The following STEAP1B variants were observed in gnomAD, a reference collection of about 807,000 sequenced individuals.
STEAP1B encodes the protein STEAP family member 1B.
In STEAP1B, 13 loss-of-function variants were observed where a neutral mutation model predicts 27.9. The ratio of observed to expected loss-of-function variants is 0.47; its 90% CI spans 0.30 to 0.74. The LOEUF is 0.74. Ranked by LOEUF, STEAP1B falls within the 30% of genes least tolerant of loss-of-function variation. The pLI is 0.06. For missense variants in STEAP1B, 250 were observed against 298.7 expected, an observed-to-expected ratio of 0.84 and a Z score of 1.20; for synonymous variants, 86 against 107.1, an observed-to-expected ratio of 0.80 and a Z score of 1.22.
chr7:22,498,953 C>T (rs1318466794), intron 1 of STEAP1B, among the ~76,000 whole-genome samples: 1 of 152,220 alleles, frequency 6.6e-6, no homozygotes, highest in Non-Finnish European at 1.5e-5. Context: ...GGCCCACACT[C>T]AACTCTATGC....
chr7:22,492,319 CAAAAAAAAAAAAAAAA>C lies in STEAP1B; in HGVS notation c.762+230_762+245del, dbSNP rs56679156. The C allele has an allele frequency of 2.4e-4, 13 of 54,812 alleles. No individual in the cohort carries two copies. The East Asian group carries it at 4.1e-3, about 17-fold the overall frequency. 3.4% of individuals were successfully genotyped at this position (54,812 alleles called of 1,614,324 possible). A position where few individuals can be genotyped will look rare whatever the true frequency, so the allele number is the denominator to read the frequency against. On this transcript the variant is annotated intron_variant, in intron 4 of 4. Coordinates refer to ENST00000678116, the MANE Select transcript of STEAP1B (RefSeq NM_001382447.1). ...GGGCAACAGAGCGAGACTTCATCTC[CAAAAAAAAAAAAAAAA>C]AAAAAAAAAAAAGGATATTTTAATG...
At chr7:22,450,952 T>C (rs550361408) in intron 4 of STEAP1B, among the ~76,000 whole-genome samples, 2 of 152,294 alleles carry the variant, frequency 1.3e-5, no homozygotes, top group African/African-American at 4.8e-5. Context: ...CCCAGCACTT[T>C]GGGAGGCCAA....
At chr7:22,472,978 C>T (rs1002048625) in intron 4 of STEAP1B, among the ~76,000 whole-genome samples, 8 of 152,134 alleles carry the variant, frequency 5.3e-5, no homozygotes, top group Non-Finnish European at 8.8e-5. Context: ...CTAAGAGCAC[C>T]CTCTGCATAC....
chr7:22,449,541 G>A (rs1168589151), intron 4 of STEAP1B, among the ~76,000 whole-genome samples: 1 of 152,214 alleles, frequency 6.6e-6, no homozygotes, highest in East Asian at 1.9e-4. Context: ...CCATTCATCT[G>A]TTGATGGACT....
intron 4 of STEAP1B, among the ~76,000 whole-genome samples, chr7:22,487,574 G>GT: frequency 6.6e-6 from 1 of 151,726 alleles, no homozygotes; most frequent in Middle Eastern, 3.4e-3. Flanking sequence ...GCGGGGGCGG[G>GT]GGGGTGCATC....
At position 22,477,364 on chromosome 7, in the gene STEAP1B, C is replaced by T. The variant is rs144765341; in HGVS notation, c.762+15201G>A. Reference sequence around the variant, plus strand: ...TTAATGCCCCCACCCAACTCTTTCCCCCTCCAGATGGTCTTGAATGATGTA... The same window carrying T: ...TTAATGCCCCCACCCAACTCTTTCCTCCTCCAGATGGTCTTGAATGATGTA... On this transcript the variant is annotated intron_variant, in intron 4 of 4. Coordinates refer to ENST00000678116, the MANE Select transcript of STEAP1B (RefSeq NM_001382447.1). Among the ~76,000 whole-genome samples the T allele has an allele frequency of 5.5e-4, 84 of 152,256 alleles. No individual in the cohort carries two copies. The East Asian group carries it at 0.015, about 27-fold the overall frequency.
chr7:22,493,153 A>G (rs533968389), intron 3 of STEAP1B, among the ~76,000 whole-genome samples, 171 bp downstream of exon 3: 97 of 152,338 alleles, frequency 6.4e-4, no homozygotes, highest in African/African-American at 2.2e-3. Flanking sequence ...TCAATATAAA[A>G]CCGACTGACA....
rs113025936 is a variant in STEAP1B, at chr7:22,430,758, A to C, written c.763-10922T>G. Among the ~76,000 whole-genome samples the C allele has an allele frequency of 7.4e-3, 1,126 of 152,318 alleles. 14 individuals carry two copies. Among genetic ancestry groups the C allele is most frequent in the African/African-American group, 0.025 (1,039 of 41,568 alleles). On this transcript the variant is annotated intron_variant, in intron 4 of 4. Coordinates refer to ENST00000678116, the MANE Select transcript of STEAP1B (RefSeq NM_001382447.1). ...AAAGAATGTGATTACCTCATTCAAA[A>C]CTGACTGTCCAACCTGCCTCAGGCC...
chr7:22,429,935 A>T (rs906634474), intron 4 of STEAP1B, among the ~76,000 whole-genome samples: 2 of 152,230 alleles, frequency 1.3e-5, no homozygotes, highest in Admixed American at 6.5e-5. Flanking sequence ...TAAAAATAAA[A>T]TTCAGCCAAA....
intron 4 of STEAP1B, among the ~76,000 whole-genome samples, chr7:22,460,418 GA>G (rs1785659562): frequency 6.6e-6 from 1 of 151,852 alleles, no homozygotes; most frequent in South Asian, 2.1e-4. Flanking sequence ...GGACAAATTT[GA>G]AAGAGTTCCC....
At chr7:22,496,274 G>A (rs1562587636) in intron 1 of STEAP1B, among the ~76,000 whole-genome samples, 1 of 152,182 alleles carries the variant, frequency 6.6e-6, no homozygotes, top group Non-Finnish European at 1.5e-5. Flanking sequence ...ATGTGACGAT[G>A]TTTTAAGCTA....
At chr7:22,488,610 C>T (rs556225795) in intron 4 of STEAP1B, among the ~76,000 whole-genome samples, 3 of 152,312 alleles carry the variant, frequency 2.0e-5, no homozygotes, top group South Asian at 4.1e-4. Context: ...TCAGCCCTAA[C>T]AAAAGGGAAG....
chr7:22,437,070 C>T (rs1452613804), intron 4 of STEAP1B, among the ~76,000 whole-genome samples: 1 of 152,178 alleles, frequency 6.6e-6, no homozygotes, highest in Non-Finnish European at 1.5e-5. Flanking sequence ...AGACAACATA[C>T]AGAATGGGAG....
intron 4 of STEAP1B, among the ~76,000 whole-genome samples, chr7:22,428,774 G>C (rs111368557): frequency 3.9e-5 from 6 of 152,182 alleles, no homozygotes; most frequent in African/African-American, 1.2e-4. Flanking sequence ...CCTGGTGACA[G>C]AGCGAGAGTC....
In STEAP1B at chr7:22,489,295, T is replaced by C. The variant is rs562258845; in HGVS notation, c.762+3270A>G. Among the ~76,000 whole-genome samples the C allele has an allele frequency of 1.2e-3, 189 of 152,288 alleles. 2 individuals are homozygous for C. The South Asian group carries it at 0.038, about 31-fold the overall frequency. ...GACCATGAGTTTTCAGAGAACATAA[T>C]ACGGTCAAAGCACCATACTTAAACA... On this transcript the variant is annotated intron_variant, in intron 4 of 4. Transcript: ENST00000678116.
chr7:22,462,365 A>G (rs934004608), intron 4 of STEAP1B, among the ~76,000 whole-genome samples: 10 of 128,804 alleles, frequency 7.8e-5, no homozygotes, highest in Non-Finnish European at 1.1e-4. Flanking sequence ...ATATCTACCA[A>G]TGCTATCCCT....
intron 4 of STEAP1B, among the ~76,000 whole-genome samples, chr7:22,456,681 C>A (rs1470456868): frequency 6.6e-6 from 1 of 151,428 alleles, no homozygotes; most frequent in Admixed American, 6.6e-5. Flanking sequence ...CTCCTTGAGT[C>A]ATGAAAAAAG....
At chr7:22,436,877 T>C (rs573367243) in intron 4 of STEAP1B, among the ~76,000 whole-genome samples, 2 of 152,232 alleles carry the variant, frequency 1.3e-5, no homozygotes, top group African/African-American at 4.8e-5. Flanking sequence ...GTCTTTATAA[T>C]AGAACGATTT....
chr7:22,420,486 A>G (rs572687300), intron 4 of STEAP1B, among the ~76,000 whole-genome samples: 1 of 152,360 alleles, frequency 6.6e-6, no homozygotes, highest in South Asian at 2.1e-4. Flanking sequence ...GGGAAGTCAC[A>G]GGGGTGGCTT....
Sources: gnomAD v4.1 joint callset for allele counts (sites outside exome capture counted in the v4.1 genomes callset) on GRCh38, gnomAD v4.1.1 for gene constraint, MANE v1.5 for transcripts, NCBI Gene and HGNC (gene_info 2026-07-23, HGNC 2026-07-21) for gene names.